Variants in C13orf42 observed in about 807,000 individuals in gnomAD.
The protein encoded by C13orf42 is uncharacterized protein C13orf42.
upstream of C13orf42, among the ~76,000 whole-genome samples, chr13:51,111,953 G>A (rs939310110): frequency 1.3e-5 from 2 of 152,210 alleles, no homozygotes; most frequent in Non-Finnish European, 2.9e-5. Flanking sequence ...TCAGATATCC[G>A]GACCACGACT....
chr13:51,114,639 G>GATAGAT (rs1363116641), upstream of C13orf42, among the ~76,000 whole-genome samples: 1 of 100,518 alleles, frequency 9.9e-6, no homozygotes, highest in Non-Finnish European at 2.3e-5. Flanking sequence ...TAGATAGATA[G>GATAGAT]ATAGATAGAG....
chr13:51,101,528 G>T (rs7991099), intron 1 of C13orf42, among the ~76,000 whole-genome samples: 2 of 152,024 alleles, frequency 1.3e-5, no homozygotes, highest in Non-Finnish European at 2.9e-5. Context: ...AAAAGAAAAG[G>T]CATCAAAACC....
chr13:51,113,579 TG>T (rs1953456218), upstream of C13orf42, among the ~76,000 whole-genome samples: 4 of 152,050 alleles, frequency 2.6e-5, no homozygotes, highest in Admixed American at 6.5e-5. Context: ...TGTGTGTGTG[TG>T]TGTGTGTGTG....
chr13:51,153,243 C>G (rs1953794004), intron 1 of C13orf42, among the ~76,000 whole-genome samples: 1 of 152,136 alleles, frequency 6.6e-6, no homozygotes, highest in Admixed American at 6.5e-5. Flanking sequence ...CCCCTTTTTC[C>G]TGCTCCCTCC....
chr13:51,152,411 G>A (rs528435416), intron 1 of C13orf42, among the ~76,000 whole-genome samples: 12 of 152,282 alleles, frequency 7.9e-5, no homozygotes, highest in Admixed American at 2.6e-4. Context: ...GCAGTGGCAC[G>A]AACCTGGCTC....
intron 1 of C13orf42, among the ~76,000 whole-genome samples, chr13:51,161,044 A>G (rs1593557754): frequency 6.8e-6 from 1 of 147,840 alleles, no homozygotes; most frequent in African/African-American, 2.4e-5. Context: ...AGTAGAATTA[A>G]TAAGAGAGTT....
intron 1 of C13orf42, among the ~76,000 whole-genome samples, chr13:51,118,264 GGA>G (rs147450690): frequency 0.088 from 13,389 of 152,162 alleles, 878 homozygotes; most frequent in South Asian, 0.26. Flanking sequence ...TGACATTGAG[GGA>G]AAAACAACTT....
At chr13:51,153,046 A>G (rs1953791991) in intron 1 of C13orf42, among the ~76,000 whole-genome samples, 1 of 152,200 alleles carries the variant, frequency 6.6e-6, no homozygotes, top group South Asian at 2.1e-4. Flanking sequence ...CACACACAGA[A>G]GGGATTGAGG....
intron 1 of C13orf42, among the ~76,000 whole-genome samples, chr13:51,146,846 C>T (rs1459415337): frequency 6.6e-6 from 1 of 152,096 alleles, no homozygotes; most frequent in Non-Finnish European, 1.5e-5. Flanking sequence ...TTTGGGAAAC[C>T]TGAGACTTAT....
upstream of C13orf42, among the ~76,000 whole-genome samples, chr13:51,114,655 C>CAGAT (rs1401698533): frequency 8.3e-6 from 1 of 120,502 alleles, no homozygotes; most frequent in Non-Finnish European, 1.6e-5. Flanking sequence ...TAGAGATAGA[C>CAGAT]AGACAGACAG....
chr13:51,110,794 A>T lies in C13orf42; in HGVS notation c.414+2T>A, dbSNP rs1269605372. The T allele has an allele frequency of 5.0e-6, 2 of 398,500 alleles. No homozygotes were observed. The highest frequency in any genetic ancestry group is 4.1e-5 in the African/African-American group (2 of 48,634). 24.7% of individuals were successfully genotyped at this position (398,500 alleles called of 1,614,324 possible). A position where few individuals can be genotyped will look rare whatever the true frequency, so the allele number is the denominator to read the frequency against. ...TAAATTGTACTGCTCAGCAGCACTT[A>T]CCTTTATTTCTTTGGGAGTAGACCG... On this transcript the variant is annotated splice_donor_variant, in intron 1 of 3. Coordinates refer to ENST00000563710, the MANE Select transcript of C13orf42 (RefSeq NM_001351589.3). LOFTEE classifies it high-confidence loss of function.
rs192198252 is a variant in C13orf42 at position 51,083,270 on chromosome 13, T to C, written c.*881A>G. On this transcript the variant is annotated 3_prime_UTR_variant, in exon 4 of 4. Coordinates refer to ENST00000563710, the MANE Select transcript of C13orf42 (RefSeq NM_001351589.3). ...AGAAATACAAAGAATATATTTTAAA[T>C]GTAATTCTGATTCAGATAGTTCCTA... 38 of 152,360 alleles carry C rather than the reference T, an allele frequency of 2.5e-4. No homozygotes were observed. Among genetic ancestry groups the C allele is most frequent in the Admixed American group, 2.0e-3 (31 of 15,306 alleles). The allele number at this position is 152,360 out of a possible 1,614,324, so 9.4% of individuals were successfully genotyped here. A position where few individuals can be genotyped will look rare whatever the true frequency, so the allele number is the denominator to read the frequency against.
chr13:51,134,079 T>C (rs1410835898), intron 1 of C13orf42, among the ~76,000 whole-genome samples: 1 of 152,164 alleles, frequency 6.6e-6, no homozygotes, highest in Non-Finnish European at 1.5e-5. Flanking sequence ...GGTGAGCTTG[T>C]AGGTAATTTA....
intron 1 of C13orf42, among the ~76,000 whole-genome samples, chr13:51,121,069 G>A (rs1953531148): frequency 6.6e-6 from 1 of 152,192 alleles, no homozygotes; most frequent in East Asian, 1.9e-4. Flanking sequence ...CCCCCTGGTG[G>A]TTGGGTTTTA....
At chr13:51,148,433 C>T (rs1421663702) in intron 1 of C13orf42, among the ~76,000 whole-genome samples, 2 of 152,218 alleles carry the variant, frequency 1.3e-5, no homozygotes, top group Non-Finnish European at 2.9e-5. Flanking sequence ...GAAGGACGCC[C>T]ACAGGGTGCC....
intron 1 of C13orf42, among the ~76,000 whole-genome samples, chr13:51,138,906 G>A (rs1449466035): frequency 1.3e-5 from 2 of 152,122 alleles, no homozygotes; most frequent in Non-Finnish European, 2.9e-5. Flanking sequence ...ATATACATAA[G>A]GAAATCATGC....
chr13:51,126,032 G>A (rs556931762), intron 1 of C13orf42, among the ~76,000 whole-genome samples: 48 of 152,344 alleles, frequency 3.2e-4, no homozygotes, highest in African/African-American at 1.2e-3. Context: ...CCAAGATGGA[G>A]AGGAAGCCTG....
At chr13:51,168,816 T>G (rs1953921398) in intron 1 of C13orf42, among the ~76,000 whole-genome samples, 1 of 152,142 alleles carries the variant, frequency 6.6e-6, no homozygotes, top group Non-Finnish European at 1.5e-5. Context: ...TATTAGTGAG[T>G]GAGTTCTCAT....
chr13:51,100,331 G>A (rs768385894), intron 1 of C13orf42, among the ~76,000 whole-genome samples: 3 of 152,072 alleles, frequency 2.0e-5, no homozygotes, highest in Non-Finnish European at 4.4e-5. Context: ...ATCAGAAAAC[G>A]TCAAATAAAT....
Sources: gnomAD v4.1 joint callset for allele counts (sites outside exome capture counted in the v4.1 genomes callset) on GRCh38, gnomAD v4.1.1 for gene constraint, MANE v1.5 for transcripts, NCBI Gene and HGNC (gene_info 2026-07-23, HGNC 2026-07-21) for gene names.